The following ATAD2B variants were observed in gnomAD, a reference collection of about 807,000 sequenced individuals.
The protein encoded by ATAD2B is ATPase family AAA domain-containing protein 2B.
In ATAD2B, 40 loss-of-function variants were observed where a neutral mutation model predicts 167.6. The ratio of observed to expected loss-of-function variants is 0.24; its 90% CI spans 0.19 to 0.31. The LOEUF (loss-of-function observed/expected upper bound fraction) is 0.31, where lower values mean the gene tolerates loss of function less well. Among genes scored for constraint, ATAD2B ranks in the 10% least tolerant of loss-of-function variants. The pLI is 1.00. For synonymous variants in ATAD2B, 579 were observed against 596.5 expected (o/e 0.97, Z 0.43); for missense variants, 1,242 against 1,757.2 (o/e 0.71, Z 5.24).
At chr2:23,759,394 T>A (rs923523931) in intron 24 of ATAD2B, among the ~76,000 whole-genome samples, 2 of 152,292 alleles carry the variant, frequency 1.3e-5, no homozygotes, top group Middle Eastern at 3.4e-3. Flanking sequence ...CAGAAAGGAA[T>A]ATGGTCTTTT....
Position 23,878,025 on chromosome 2 carries a change from A to AAAAAAAAAAAAAAAAAAAAAAG in ATAD2B, c.902-2122_902-2121insCTTTTTTTTTTTTTTTTTTTTT, listed in dbSNP as rs1558714074. Among the ~76,000 whole-genome samples, 101 of 106,930 alleles carry AAAAAAAAAAAAAAAAAAAAAAG rather than the reference A, an allele frequency of 9.4e-4. 5 individuals are homozygous for AAAAAAAAAAAAAAAAAAAAAAG. Among genetic ancestry groups the AAAAAAAAAAAAAAAAAAAAAAG allele is most frequent in the Middle Eastern group, 5.7e-3 (1 of 176 alleles). The allele number at this position is 106,930 out of a possible 152,430, so 70.2% of individuals were successfully genotyped here. A position where few individuals can be genotyped will look rare whatever the true frequency, so the allele number is the denominator to read the frequency against. ...ACCCTATCTCCAAAGAAAAAAAAAAAAAAAAAAAAAAAAAGCAAAATGTAT... is the reference window on the plus strand; with the variant it reads ...ACCCTATCTCCAAAGAAAAAAAAAAAAAAAAAAAAAAAAAAAAAAAAGAAAAAAAAAAAAAAGCAAAATGTAT... On this transcript the variant is annotated intron_variant, in intron 7 of 27. Transcript: ENST00000238789.
In ATAD2B at chr2:23,926,931, G is replaced by T; in HGVS notation, c.-161C>A. The stretch of plus-strand genomic sequence containing the variant: ...GACGAGCACAAGAGAGAGCCGGGCA[G>T]AGGAAGGGAAGTCGGCGTGAGCAGG... On this transcript the variant is annotated 5_prime_UTR_variant, in exon 1 of 28. It adds an upstream start codon to the 5' untranslated region. Transcript: ENST00000238789. 1 of 866,464 alleles carries T rather than the reference G, an allele frequency of 1.2e-6. No individual in the cohort carries two copies. Among genetic ancestry groups the T allele is most frequent in the Non-Finnish European group, 1.7e-6 (1 of 605,438 alleles). 53.7% of individuals were successfully genotyped at this position (866,464 alleles called of 1,614,324 possible).
At position 23,826,429 on chromosome 2, in the gene ATAD2B, G is replaced by A. The variant is rs779351291; in HGVS notation, c.1819+2420C>T. Among the ~76,000 whole-genome samples the A allele has an allele frequency of 5.3e-5, 8 of 152,154 alleles. No individual in the cohort carries two copies. The South Asian group carries it at 8.3e-4, about 16-fold the overall frequency. On this transcript the variant is annotated intron_variant, in intron 15 of 27. Transcript: ENST00000238789. ...GAAAATATACTACAGCCTTTTAGGC[G>A]TTAAAAGTTAATATTAAAGAAATTA... is the stretch of plus-strand genomic sequence containing the variant.
rs149390426 is a variant in ATAD2B, at chr2:23,770,727, C to T, written c.3134-5099G>A. 1.1e-3 allele frequency among the ~76,000 whole-genome samples: 171 copies of T among 152,338 alleles called. 1 individual carries two copies. Among genetic ancestry groups the T allele is most frequent in the African/African-American group, 3.8e-3 (160 of 41,582 alleles). On this transcript the variant is annotated intron_variant, in intron 22 of 27. Coordinates refer to ENST00000238789, the MANE Select transcript of ATAD2B (RefSeq NM_017552.4). Reference sequence around the variant, plus strand: ...TTGTCAAACTTCATGCCAACATACACTGTCTAGATTACTGTAACTTTTTAA... The same window carrying T: ...TTGTCAAACTTCATGCCAACATACATTGTCTAGATTACTGTAACTTTTTAA...
At chr2:23,918,809 G>C (rs769031957) in intron 1 of ATAD2B, among the ~76,000 whole-genome samples, 1 of 152,164 alleles carries the variant, frequency 6.6e-6, no homozygotes, top group Non-Finnish European at 1.5e-5. Flanking sequence ...AGATATACAA[G>C]TAGAGAAGAC....
rs1260466929 is a variant in ATAD2B, at chr2:23,750,696, A to C, written c.*1350T>G. The C allele has an allele frequency of 6.6e-6, 1 of 152,136 alleles. No homozygotes were observed. Among genetic ancestry groups the C allele is most frequent in the Non-Finnish European group, 1.5e-5 (1 of 68,006 alleles). The allele number at this position is 152,136 out of a possible 1,614,324, so 9.4% of individuals were successfully genotyped here. A position where few individuals can be genotyped will look rare whatever the true frequency, so the allele number is the denominator to read the frequency against. The stretch of plus-strand genomic sequence containing the variant: ...GGCAAAATTTTCTTTTTGTTTAAAA[A>C]TCATCTGATAAAAAAAGTCACTGCA... On this transcript the variant is annotated 3_prime_UTR_variant, in exon 28 of 28. Coordinates refer to ENST00000238789, the MANE Select transcript of ATAD2B (RefSeq NM_017552.4).
chr2:23,815,434 T>A (rs1686294416), intron 17 of ATAD2B, among the ~76,000 whole-genome samples: 2 of 152,088 alleles, frequency 1.3e-5, no homozygotes, highest in South Asian at 4.1e-4. Flanking sequence ...GAATGATGGC[T>A]CATAGGAGTC....
the ATAD2B span, among the ~76,000 whole-genome samples, chr2:23,727,374 A>G: frequency 6.6e-6 from 1 of 152,166 alleles, no homozygotes; most frequent in Non-Finnish European, 1.5e-5. Flanking sequence ...ACAAAACACT[A>G]CTTCACACCT....
chr2:23,837,466 C>A (rs1415955740), intron 13 of ATAD2B, among the ~76,000 whole-genome samples: 1 of 152,230 alleles, frequency 6.6e-6, no homozygotes, highest in Non-Finnish European at 1.5e-5. Context: ...AGGCCCAGGT[C>A]CACAGCCACA....
chr2:23,763,682 T>C (rs1299259680), intron 23 of ATAD2B, among the ~76,000 whole-genome samples: 2 of 152,176 alleles, frequency 1.3e-5, no homozygotes, highest in Non-Finnish European at 2.9e-5. Flanking sequence ...CTCAACCTTC[T>C]GGGCTCAAGC....
intron 13 of ATAD2B, among the ~76,000 whole-genome samples, chr2:23,841,323 T>C (rs1350937790): frequency 6.6e-6 from 1 of 152,182 alleles, no homozygotes; most frequent in African/African-American, 2.4e-5. Context: ...TTCTGACTTA[T>C]GGTTTATTTT....
At chr2:23,748,177 A>C (rs919859488), downstream of ATAD2B, among the ~76,000 whole-genome samples, 5 of 152,142 alleles carry the variant, frequency 3.3e-5, no homozygotes, top group Admixed American at 6.6e-5. Context: ...GGAACATGAA[A>C]AGGTGTCTCA....
chr2:23,834,135 A>G (rs956771779), intron 13 of ATAD2B, 57 bp from the exon 14 acceptor site: 3 of 784,680 alleles, frequency 3.8e-6, no homozygotes, highest in Non-Finnish European at 5.6e-6. Flanking sequence ...TGCTTACAAT[A>G]ACGTTTATCA....
chr2:23,803,342 G>A (rs1032718673), intron 18 of ATAD2B, among the ~76,000 whole-genome samples: 6 of 140,312 alleles, frequency 4.3e-5, no homozygotes, highest in Admixed American at 2.1e-4. Flanking sequence ...ACACACACGC[G>A]CACGCATTTG....
intron 1 of ATAD2B, among the ~76,000 whole-genome samples, chr2:23,898,337 A>G (rs1700382851): frequency 6.6e-6 from 1 of 152,224 alleles, no homozygotes; most frequent in African/African-American, 2.4e-5. Flanking sequence ...TGGTCTCCAC[A>G]ACCCTTTATC....
At chr2:23,884,894 T>A in intron 5 of ATAD2B, 21 bp from the exon 6 acceptor site, 1 of 1,436,426 alleles carries the variant, frequency 7.0e-7, no homozygotes, top group Non-Finnish European at 9.4e-7. Context: ...AAGAAATCTG[T>A]CAAATAGCAA....
intron 5 of ATAD2B, among the ~76,000 whole-genome samples, chr2:23,885,202 A>G (rs962723359): frequency 2.6e-5 from 4 of 152,246 alleles, no homozygotes; most frequent in African/African-American, 9.6e-5. Flanking sequence ...AGAGAGGTAC[A>G]AAGTACTCCA....
Position 23,927,068 on chromosome 2 carries a change from C to A in ATAD2B, c.-298G>T. ...GCCGCCATTTCTACCCCTTTCTCTCCCGTTCTCGCTCTCGAGCTCCGTGCG... is the reference window on the plus strand; with the variant it reads ...GCCGCCATTTCTACCCCTTTCTCTCACGTTCTCGCTCTCGAGCTCCGTGCG... On this transcript the variant is annotated 5_prime_UTR_variant, in exon 1 of 28. Coordinates refer to ENST00000238789, the MANE Select transcript of ATAD2B (RefSeq NM_017552.4). 2.7e-6 allele frequency: 1 copy of A among 372,544 alleles called. No individual in the cohort carries two copies. The highest frequency in any genetic ancestry group is 4.8e-6 in the Non-Finnish European group (1 of 206,922). The allele number at this position is 372,544 out of a possible 1,614,324, so 23.1% of individuals were successfully genotyped here. A position where few individuals can be genotyped will look rare whatever the true frequency, so the allele number is the denominator to read the frequency against.
At chr2:23,848,437 G>A (rs181227692) in intron 13 of ATAD2B, among the ~76,000 whole-genome samples, 62 of 152,200 alleles carry the variant, frequency 4.1e-4, no homozygotes, top group African/African-American at 1.4e-3. Context: ...CCGAGACTGC[G>A]CCACTACACT....
Sources: allele counts gnomAD v4.1 joint callset (sites outside exome capture counted in the v4.1 genomes callset), GRCh38; gene constraint gnomAD v4.1.1; transcripts MANE v1.5; gene names NCBI Gene and HGNC (gene_info 2026-07-23, HGNC 2026-07-21).